Variants in ZBBX observed in about 807,000 individuals in gnomAD.
ZBBX encodes zinc finger B-box domain-containing protein 1.
A neutral mutation model predicts 108.5 loss-of-function variants in ZBBX; 101 were observed. That is an observed-to-expected ratio of 0.93 (90% CI 0.79 to 1.10). ZBBX has a LOEUF of 1.10. Among genes scored for constraint, ZBBX ranks in the 50% least tolerant of loss-of-function variants. The pLI is 0.00. For missense variants in ZBBX, 1,009 were observed against 941.4 expected, an observed-to-expected ratio of 1.07 and a Z score of -0.94; for synonymous variants, 356 against 323.4, an observed-to-expected ratio of 1.10 and a Z score of -1.08.
chr3:167,279,442 C>A (rs896690920), intron 20 of ZBBX, among the ~76,000 whole-genome samples: 24 of 152,074 alleles, frequency 1.6e-4, no homozygotes, highest in Admixed American at 3.3e-4. Context: ...AAGCATTCTT[C>A]TACACCAATA....
chr3:167,286,596 T>A (rs901751820), intron 19 of ZBBX, among the ~76,000 whole-genome samples: 2 of 152,128 alleles, frequency 1.3e-5, no homozygotes, highest in African/African-American at 4.8e-5. Context: ...TGGACTAATC[T>A]TGAATAGTGA....
intron 20 of ZBBX, among the ~76,000 whole-genome samples, chr3:167,244,404 T>G (rs906618726): frequency 6.6e-6 from 1 of 152,204 alleles, no homozygotes; most frequent in Non-Finnish European, 1.5e-5. Flanking sequence ...AATGCTTTGA[T>G]CTAAAGAATA....
chr3:167,354,260 T>A (rs763932301), intron 8 of ZBBX, among the ~76,000 whole-genome samples: 2 of 151,882 alleles, frequency 1.3e-5, no homozygotes, highest in Non-Finnish European at 2.9e-5. Flanking sequence ...ATTCGAACTT[T>A]GAAGTATGGT....
chr3:167,232,123 C>A, the ZBBX span, among the ~76,000 whole-genome samples: 1 of 151,660 alleles, frequency 6.6e-6, no homozygotes, highest in Non-Finnish European at 1.5e-5. Flanking sequence ...ATGGGACATA[C>A]TTTTTAGAAA....
the ZBBX span, among the ~76,000 whole-genome samples, chr3:167,178,916 G>T: frequency 6.6e-6 from 1 of 152,086 alleles, no homozygotes; most frequent in Non-Finnish European, 1.5e-5. Flanking sequence ...CTGCTCCAGG[G>T]AGAGATTCAT....
intron 18 of ZBBX, among the ~76,000 whole-genome samples, chr3:167,296,862 A>C (rs1731774335): frequency 6.6e-6 from 1 of 152,048 alleles, no homozygotes; most frequent in Admixed American, 6.6e-5. Flanking sequence ...TTTCGTAGAA[A>C]TAAAAAAACC....
chr3:167,360,777 A>C (rs957669264), intron 6 of ZBBX, 54 bp from the exon 7 acceptor site: 1 of 1,148,810 alleles, frequency 8.7e-7, no homozygotes, highest in East Asian at 2.9e-5. Flanking sequence ...TTATTCAACG[A>C]AAGTTGCCAA....
the ZBBX span, among the ~76,000 whole-genome samples, chr3:167,206,986 A>C: frequency 6.6e-6 from 1 of 152,188 alleles, no homozygotes; most frequent in Non-Finnish European, 1.5e-5. Context: ...TCAACATAAA[A>C]TGGATTAAAG....
chr3:167,290,557 G>A (rs555413525), intron 18 of ZBBX, among the ~76,000 whole-genome samples: 24 of 152,206 alleles, frequency 1.6e-4, no homozygotes, highest in African/African-American at 5.1e-4. Context: ...GAAGGTCATC[G>A]ACTTCAAAGA....
intron 1 of ZBBX, among the ~76,000 whole-genome samples, chr3:167,406,734 C>A (rs1010121862): frequency 2.0e-5 from 3 of 152,162 alleles, no homozygotes; most frequent in Non-Finnish European, 4.4e-5. Context: ...AATGAGTAAG[C>A]CCTTTCAGTT....
At chr3:167,326,275 G>C (rs978943408) in intron 11 of ZBBX, among the ~76,000 whole-genome samples, 3 of 152,090 alleles carry the variant, frequency 2.0e-5, no homozygotes, top group Non-Finnish European at 4.4e-5. Flanking sequence ...TTAACTAATA[G>C]TATTTAGTGT....
chr3:167,273,641 T>C (rs1726943414), intron 20 of ZBBX, among the ~76,000 whole-genome samples: 1 of 152,072 alleles, frequency 6.6e-6, no homozygotes, highest in African/African-American at 2.4e-5. Context: ...AGCAGATGTA[T>C]GGTGGTGTTA....
intron 20 of ZBBX, among the ~76,000 whole-genome samples, chr3:167,247,478 A>G (rs549246239): frequency 6.6e-6 from 1 of 152,302 alleles, no homozygotes; most frequent in South Asian, 2.1e-4. Flanking sequence ...CGTGTGATCC[A>G]ATTCTTCTGG....
intron 20 of ZBBX, among the ~76,000 whole-genome samples, chr3:167,269,953 A>G (rs1369252721): frequency 6.6e-6 from 1 of 152,240 alleles, no homozygotes; most frequent in African/African-American, 2.4e-5. Context: ...AAACAACAGT[A>G]TCAGCAGACA....
chr3:167,383,841 C>T (rs988551113), upstream of ZBBX, among the ~76,000 whole-genome samples: 2 of 152,020 alleles, frequency 1.3e-5, no homozygotes, highest in African/African-American at 2.4e-5. Context: ...CCGTCTCTGT[C>T]CTTGAGTAAT....
At chr3:167,248,475 A>T in intron 20 of ZBBX, 1 of 242,184 alleles carries the variant, frequency 4.1e-6, no homozygotes. Flanking sequence ...TCTAAGTGAG[A>T]GGCGTCCCCC....
chr3:167,182,406 T>A, the ZBBX span, among the ~76,000 whole-genome samples: 23 of 152,356 alleles, frequency 1.5e-4, no homozygotes, highest in African/African-American at 5.3e-4. Flanking sequence ...ATCACCTTTT[T>A]AAGAGACTCC....
the ZBBX span, among the ~76,000 whole-genome samples, chr3:167,201,513 G>C: frequency 6.6e-6 from 1 of 152,120 alleles, no homozygotes; most frequent in East Asian, 1.9e-4. Flanking sequence ...GTTTCCATTA[G>C]TCACCTAAAA....
the ZBBX span, among the ~76,000 whole-genome samples, chr3:167,225,798 T>C: frequency 3.3e-5 from 5 of 151,880 alleles, no homozygotes; most frequent in East Asian, 3.9e-4. Context: ...CCTCTGATGG[T>C]TGAGGATCCA....
Sources: allele counts gnomAD v4.1 joint callset (sites outside exome capture counted in the v4.1 genomes callset), GRCh38; gene constraint gnomAD v4.1.1; transcripts MANE v1.5; gene names NCBI Gene and HGNC (gene_info 2026-07-23, HGNC 2026-07-21).